The following BLTP1 variants were observed in gnomAD, a reference collection of about 807,000 sequenced individuals.
The protein encoded by BLTP1 is fragile site-associated protein.
the BLTP1 span, chr4:122,214,393 G>C: frequency 1.0e-6 from 1 of 965,204 alleles, no homozygotes; most frequent in Non-Finnish European, 1.2e-6. Flanking sequence ...GGTTCTATAA[G>C]CCAGTGAATT....
the BLTP1 span, chr4:122,331,763 G>C: frequency 1.0e-6 from 1 of 978,744 alleles, no homozygotes; most frequent in Non-Finnish European, 1.2e-6. Context: ...TTAGATTTTT[G>C]CAAGTTTTTT....
chr4:122,328,103 G>T, the BLTP1 span: 2 of 1,529,746 alleles, frequency 1.3e-6, no homozygotes, highest in South Asian at 1.3e-5. Context: ...TTTACAATCA[G>T]TTTCCAGAGG....
chr4:122,173,270 T>G, the BLTP1 span: 2 of 1,087,150 alleles, frequency 1.8e-6, no homozygotes, highest in Non-Finnish European at 2.6e-6. Flanking sequence ...GAGAAGCAAT[T>G]TATGTCTGAT....
At chr4:122,287,833 T>C in the BLTP1 span, 1 of 414,620 alleles carries the variant, frequency 2.4e-6, no homozygotes, top group Middle Eastern at 1.2e-3. Flanking sequence ...TGAAAATATT[T>C]TAAAGTGTAT....
chr4:122,273,983 G>C, the BLTP1 span, among the ~76,000 whole-genome samples: 1 of 151,748 alleles, frequency 6.6e-6, no homozygotes, highest in Non-Finnish European at 1.5e-5. Context: ...TGGTTTATGT[G>C]GTTTCTTTTT....
At chr4:122,250,639 C>A in the BLTP1 span, 1 of 1,475,112 alleles carries the variant, frequency 6.8e-7, no homozygotes, top group Non-Finnish European at 9.4e-7. Flanking sequence ...ACTACATATG[C>A]AATTCAAAAT....
the BLTP1 span, chr4:122,334,689 T>G: frequency 1.3e-6 from 1 of 760,720 alleles, no homozygotes; most frequent in Non-Finnish European, 2.0e-6. Flanking sequence ...ACTTCATATA[T>G]GGAAGTGTGG....
the BLTP1 span, among the ~76,000 whole-genome samples, chr4:122,176,590 A>C: frequency 6.6e-6 from 1 of 152,198 alleles, no homozygotes; most frequent in African/African-American, 2.4e-5. Flanking sequence ...ACTTCATAGT[A>C]TCTTTCATAT....
chr4:122,208,032 G>A, the BLTP1 span: 3 of 984,970 alleles, frequency 3.0e-6, no homozygotes, highest in African/African-American at 5.2e-5. Flanking sequence ...TTATCTGAAT[G>A]CCAGCTCTTA....
At chr4:122,201,153 G>A in the BLTP1 span, 3 of 1,546,252 alleles carry the variant, frequency 1.9e-6, no homozygotes, top group Non-Finnish European at 2.6e-6. Flanking sequence ...TATAAATACA[G>A]TGAGATTTAT....
the BLTP1 span, chr4:122,333,775 C>T: frequency 6.2e-7 from 1 of 1,610,834 alleles, no homozygotes; most frequent in Non-Finnish European, 8.5e-7. Context: ...GACTTAGAAA[C>T]AACAGTATTT....
chr4:122,339,490 AT>A, the BLTP1 span: 1 of 918,996 alleles, frequency 1.1e-6, no homozygotes, highest in Non-Finnish European at 1.5e-6. Context: ...ATTAATACAT[AT>A]TTTAAAATAT....
At chr4:122,261,329 G>A in the BLTP1 span, 1 of 984,918 alleles carries the variant, frequency 1.0e-6, no homozygotes, top group Non-Finnish European at 1.2e-6. Flanking sequence ...TGTTAAAGCT[G>A]TTCATTTTCA....
chr4:122,308,538 G>T, the BLTP1 span, among the ~76,000 whole-genome samples: 3 of 152,076 alleles, frequency 2.0e-5, no homozygotes, highest in African/African-American at 7.2e-5. Flanking sequence ...TAAGAATACT[G>T]TTTAATGAAC....
chr4:122,209,317 G>A, the BLTP1 span: 1 of 1,612,064 alleles, frequency 6.2e-7, no homozygotes, highest in Non-Finnish European at 8.5e-7. Flanking sequence ...AACCAAAATG[G>A]CGCAACGTTA....
the BLTP1 span, chr4:122,186,099 G>T: frequency 1.9e-6 from 3 of 1,611,640 alleles, no homozygotes; most frequent in Admixed American, 1.7e-5. Flanking sequence ...GTCTATAATC[G>T]CTCGGATCTT....
At chr4:122,324,662 C>T in the BLTP1 span, 1 of 664,640 alleles carries the variant, frequency 1.5e-6, no homozygotes, top group Non-Finnish European at 2.4e-6. Flanking sequence ...AGTAAAATAG[C>T]AATAACAGTG....
chr4:122,228,420 T>C, the BLTP1 span, among the ~76,000 whole-genome samples: 9 of 152,196 alleles, frequency 5.9e-5, no homozygotes, highest in African/African-American at 2.2e-4. Context: ...AGGCAACTAC[T>C]GATCTCCATT....
At chr4:122,290,876 CTATATAATATATATTA>C in the BLTP1 span, 1 of 146,606 alleles carries the variant, frequency 6.8e-6, no homozygotes, top group African/African-American at 2.8e-5. Flanking sequence ...ATATAACATA[CTATATAATATATATTA>C]TATATAATAT....
Sources: allele counts gnomAD v4.1 joint callset (sites outside exome capture counted in the v4.1 genomes callset), GRCh38; gene constraint gnomAD v4.1.1; transcripts MANE v1.5; gene names NCBI Gene and HGNC (gene_info 2026-07-23, HGNC 2026-07-21).